LIPG: variants seen among roughly 807,000 people sequenced by gnomAD.
LIPG encodes the protein endothelial lipase.
Under a neutral mutation model 51.8 loss-of-function variants are expected in LIPG, and 34 were observed. The ratio of observed to expected loss-of-function variants is 0.66; its 90% CI spans 0.50 to 0.87. The LOEUF is 0.87. LIPG is among the 40% of genes least tolerant of loss of function. LIPG has a pLI of 0.00. For synonymous variants in LIPG, 246 were observed against 246.1 expected (o/e 1.00, Z 0.00); for missense variants, 580 against 652.7 (o/e 0.89, Z 1.21).
At chr18:49,561,603 GGTGGCTC>G, upstream of LIPG, 1 of 1,045,168 alleles carries the variant, frequency 9.6e-7, no homozygotes, top group Non-Finnish European at 1.2e-6. Context: ...GGGATGACCA[GGTGGCTC>G]TCCCCCGACG....
chr18:49,579,252 C>G (rs533608010), intron 5 of LIPG, among the ~76,000 whole-genome samples: 2 of 134,840 alleles, frequency 1.5e-5, no homozygotes, highest in South Asian at 5.1e-4. Context: ...ACCGGATACA[C>G]TCTATTTTAA....
rs147437364 is a variant in LIPG, at chr18:49,593,434, C to T, written c.*2912C>T. 3.3e-5 allele frequency: 5 copies of T among 152,186 alleles called. No individual in the cohort carries two copies. The highest frequency in any genetic ancestry group is 9.6e-5 in the African/African-American group (4 of 41,482). 9.4% of individuals were successfully genotyped at this position (152,186 alleles called of 1,614,324 possible). A position where few individuals can be genotyped will look rare whatever the true frequency, so the allele number is the denominator to read the frequency against. On this transcript the variant is annotated 3_prime_UTR_variant, in exon 10 of 10. Coordinates refer to ENST00000261292, the MANE Select transcript of LIPG (RefSeq NM_006033.4). ...TATTTCAATTGTAGCAGCTTGAAGG[C>T]CTGAAGGTGGATGTTAGGAAGAACA...
rs750648857 is a variant in LIPG at position 49,575,563 on chromosome 18, G to C, written c.766G>C (p.Asp256His). ...CTTCCAGCCAGGCTGTGGACTCAACGATGTCTTGGGATCAATTGCATATGG... is the reference window on the plus strand; with the variant it reads ...CTTCCAGCCAGGCTGTGGACTCAACCATGTCTTGGGATCAATTGCATATGG... Reference protein sequence around the residue: ...GDFQPGCGLNDVLGSIAYGTI... With the variant: ...GDFQPGCGLNHVLGSIAYGTI... The change falls in exon 5 of 10, where the codon GAT (aspartate) becomes CAT (histidine). Residue 256 changes from aspartate to histidine, a missense_variant. Coordinates refer to ENST00000261292, the MANE Select transcript of LIPG (RefSeq NM_006033.4). The C allele has an allele frequency of 4.3e-6, 7 of 1,613,998 alleles. No homozygotes were observed. Among genetic ancestry groups the C allele is most frequent in the Non-Finnish European group, 5.1e-6 (6 of 1,180,032 alleles).
Position 49,569,356 on chromosome 18 carries a change from G to T in LIPG, c.460-81G>T. On this transcript the variant is annotated intron_variant, in intron 3 of 9. Coordinates refer to ENST00000261292, the MANE Select transcript of LIPG (RefSeq NM_006033.4). Reference sequence around the variant, plus strand: ...GCCCCTGCATCTCCTCCTGCTCCGTGACTGAGTTGTTGAACTGCTGGTGAT... The same window carrying T: ...GCCCCTGCATCTCCTCCTGCTCCGTTACTGAGTTGTTGAACTGCTGGTGAT... 4 of 1,181,544 alleles carry T rather than the reference G, an allele frequency of 3.4e-6. No individual in the cohort carries two copies. In the South Asian group the frequency reaches 5.0e-5, roughly 15 times the overall value. 73.2% of individuals were successfully genotyped at this position (1,181,544 alleles called of 1,614,324 possible). A position where few individuals can be genotyped will look rare whatever the true frequency, so the allele number is the denominator to read the frequency against.
intron 9 of LIPG, among the ~76,000 whole-genome samples, chr18:49,588,282 CTTTT>C (rs1231084858): frequency 7.5e-6 from 1 of 132,746 alleles, no homozygotes; most frequent in African/African-American, 2.8e-5. Context: ...CTCCCACACA[CTTTT>C]TTTTTTTTTT....
intron 1 of LIPG, among the ~76,000 whole-genome samples, chr18:49,563,356 T>C (rs1046151601): frequency 6.6e-6 from 1 of 152,176 alleles, no homozygotes; most frequent in African/African-American, 2.4e-5. Flanking sequence ...TCCTCACCTG[T>C]AAAATGCTAA....
chr18:49,569,888 C>T (rs2084645674), intron 4 of LIPG, among the ~76,000 whole-genome samples: 1 of 152,110 alleles, frequency 6.6e-6, no homozygotes, highest in Non-Finnish European at 1.5e-5. Context: ...AGTTTGAAAA[C>T]CATAGGCCTG....
upstream of LIPG, chr18:49,561,687 T>A: frequency 6.4e-6 from 8 of 1,243,392 alleles, no homozygotes; most frequent in Non-Finnish European, 8.0e-6. Context: ...TTGGAGAGGA[T>A]GCTCTCCTTC....
At chr18:49,572,541 C>CT (rs1175812333) in intron 4 of LIPG, among the ~76,000 whole-genome samples, 46 of 152,112 alleles carry the variant, frequency 3.0e-4, no homozygotes, top group African/African-American at 9.6e-4. Context: ...ATGCACCTCA[C>CT]TGCTGTGCCA....
intron 4 of LIPG, among the ~76,000 whole-genome samples, chr18:49,571,204 A>G (rs1418068402): frequency 1.3e-5 from 2 of 152,164 alleles, no homozygotes; most frequent in African/African-American, 4.8e-5. Context: ...CTCGGGTTCC[A>G]TTGTCTGAGC....
Position 49,597,239 on chromosome 18 carries a change from C to T in LIPG, c.*6717C>T, listed in dbSNP as rs2084987272. On this transcript the variant is annotated 3_prime_UTR_variant, in exon 10 of 10. Transcript: ENST00000261292. ...TTGGGAATCTTTCTTCTAATCGAGG[C>T]CCCTAAAATATTCCTGATTTTCACA... is the stretch of plus-strand genomic sequence containing the variant. 6.6e-6 allele frequency: 1 copy of T among 152,132 alleles called. No homozygotes were observed. Among genetic ancestry groups the T allele is most frequent in the Non-Finnish European group, 1.5e-5 (1 of 68,032 alleles). The allele number at this position is 152,132 out of a possible 1,614,324, so 9.4% of individuals were successfully genotyped here.
chr18:49,561,714 C>T (rs992756688), upstream of LIPG: 1 of 1,244,916 alleles, frequency 8.0e-7, no homozygotes, highest in East Asian at 3.1e-5. Flanking sequence ...GATCGCCTCC[C>T]CAGCGGACGC....
chr18:49,561,705 A>G (rs959921197), upstream of LIPG: 21 of 1,244,454 alleles, frequency 1.7e-5, 1 homozygote, highest in South Asian at 6.6e-4. Context: ...TTCTCCAGGG[A>G]TCGCCTCCCC....
chr18:49,590,658 G>C lies in LIPG; in HGVS notation c.*136G>C. 1 of 910,498 alleles carries C rather than the reference G, an allele frequency of 1.1e-6. No individual in the cohort carries two copies. The highest frequency in any genetic ancestry group is 1.4e-5 in the South Asian group (1 of 70,942). The allele number at this position is 910,498 out of a possible 1,614,324, so 56.4% of individuals were successfully genotyped here. On this transcript the variant is annotated 3_prime_UTR_variant, in exon 10 of 10. Transcript: ENST00000261292. ...TGACCCTGGAGCACTGGGAACAACT[G>C]GTCTCCTGTGATGGCTGGGACTCCT...
chr18:49,569,686 C>A (rs535264395), intron 4 of LIPG, 138 bp downstream of exon 4: 2 of 746,838 alleles, frequency 2.7e-6, no homozygotes, highest in Non-Finnish European at 4.5e-6. Flanking sequence ...ACTTCCCAAG[C>A]GTTTTTAGTC....
rs1289505145 is a variant in LIPG, at chr18:49,594,233, C to A, written c.*3711C>A. On this transcript the variant is annotated 3_prime_UTR_variant, in exon 10 of 10. Transcript: ENST00000261292. ...CACTGCAACCTCCGCCTCCTGGGTT[C>A]AAGTGATTCTCCTGCCTCAGCCTCC... The A allele has an allele frequency of 6.6e-6, 1 of 152,146 alleles. No individual in the cohort carries two copies. Among genetic ancestry groups the A allele is most frequent in the Non-Finnish European group, 1.5e-5 (1 of 68,100 alleles). 9.4% of individuals were successfully genotyped at this position (152,146 alleles called of 1,614,324 possible).
At position 49,562,374 on chromosome 18, in the gene LIPG, C is replaced by G. The variant is rs746253466; in HGVS notation, c.66C>G (p.Pro22=). 2.5e-6 allele frequency: 4 copies of G among 1,614,008 alleles called. No homozygotes were observed. The highest frequency in any genetic ancestry group is 3.3e-5 in the Admixed American group (2 of 60,026). The change falls in exon 1 of 10, where the codon CCC becomes CCG. Residue 22 remains proline (P), a synonymous_variant. Transcript: ENST00000261292. The part of the protein sequence containing the change: ...SLCYCFAAGS[P]VPFGPEGRLE... Reference sequence around the variant, plus strand: ...GCTATTGCTTTGCTGCGGGGAGCCCCGTACCTTTTGGTCCAGAGGGACGGC... The same window carrying G: ...GCTATTGCTTTGCTGCGGGGAGCCCGGTACCTTTTGGTCCAGAGGGACGGC...
intron 2 of LIPG, 119 bp downstream of exon 2, chr18:49,565,617 G>T (rs2084597507): frequency 1.1e-5 from 13 of 1,157,776 alleles, no homozygotes; most frequent in Non-Finnish European, 1.6e-5. Flanking sequence ...TTTCCTTGTG[G>T]GCTGCTTGTA....
chr18:49,579,225 G>A (rs989065700), intron 5 of LIPG, among the ~76,000 whole-genome samples: 1 of 121,762 alleles, frequency 8.2e-6, no homozygotes, highest in Non-Finnish European at 1.6e-5. Flanking sequence ...AGAGGGAGAG[G>A]GAGAGGGAGA....
Sources: allele counts gnomAD v4.1 joint callset (sites outside exome capture counted in the v4.1 genomes callset), GRCh38; gene constraint gnomAD v4.1.1; transcripts MANE v1.5; gene names NCBI Gene and HGNC (gene_info 2026-07-23, HGNC 2026-07-21).